EYS: variants seen among roughly 807,000 people sequenced by gnomAD.
EYS encodes the protein protein eyes shut homolog.
Under a neutral mutation model 282.1 loss-of-function variants are expected in EYS, and 250 were observed. The observed-to-expected ratio is 0.89, with a 90% confidence interval of 0.80 to 0.98. EYS has a LOEUF of 0.98. Among genes scored for constraint, EYS ranks in the 50% least tolerant of loss-of-function variants. The pLI, the probability that EYS is intolerant of heterozygous loss-of-function variation, is 0.00. For missense variants in EYS, 4,016 were observed against 3,709.0 expected (o/e 1.08, Z -2.15); for synonymous variants, 1,355 against 1,282.9 (o/e 1.06, Z -1.20).
intron 34 of EYS, among the ~76,000 whole-genome samples, 186 bp downstream of exon 34, chr6:63,998,889 C>T (rs1767954998): frequency 6.6e-6 from 1 of 151,064 alleles, no homozygotes; most frequent in African/African-American, 2.4e-5. Flanking sequence ...TTGATAGTGA[C>T]AGGCAACATT....
intron 26 of EYS, among the ~76,000 whole-genome samples, chr6:64,564,715 C>T (rs1019540625): frequency 1.3e-5 from 2 of 150,884 alleles, no homozygotes; most frequent in Non-Finnish European, 2.9e-5. Context: ...CATGTTCTCA[C>T]TCATAAGTGG....
At chr6:65,389,532 A>T (rs1229434082) in intron 7 of EYS, among the ~76,000 whole-genome samples, 1 of 152,096 alleles carries the variant, frequency 6.6e-6, no homozygotes, top group Non-Finnish European at 1.5e-5. Context: ...GTCAAGAGGG[A>T]GGCTATTGAA....
At chr6:63,808,310 G>A (rs1224554858) in intron 36 of EYS, among the ~76,000 whole-genome samples, 2 of 152,202 alleles carry the variant, frequency 1.3e-5, no homozygotes, top group African/African-American at 4.8e-5. Flanking sequence ...GAATGAAGAA[G>A]AAAAGTGAGA....
chr6:63,744,756 C>T (rs1293655874), intron 41 of EYS: 5 of 183,040 alleles, frequency 2.7e-5, no homozygotes, highest in South Asian at 9.1e-5. Context: ...TTAGTAGAGA[C>T]GGGGTTTCCC....
At chr6:64,270,546 A>C (rs1299495817) in intron 30 of EYS, among the ~76,000 whole-genome samples, 2 of 152,180 alleles carry the variant, frequency 1.3e-5, no homozygotes, top group African/African-American at 4.8e-5. Flanking sequence ...CTGATACTTA[A>C]TGAAAATGAA....
At position 65,468,585 on chromosome 6, in the gene EYS, A is replaced by C. The variant is rs1196763382; in HGVS notation, c.862+22009T>G. On this transcript the variant is annotated intron_variant, in intron 5 of 42. Coordinates refer to ENST00000503581, the MANE Select transcript of EYS (RefSeq NM_001142800.2). Reference sequence around the variant, plus strand: ...GGACCTGAATATAACCTCCTTTTTCATTATGACTCTTATGTATTCCAGCGT... The same window carrying C: ...GGACCTGAATATAACCTCCTTTTTCCTTATGACTCTTATGTATTCCAGCGT... 2.0e-5 allele frequency among the ~76,000 whole-genome samples: 3 copies of C among 151,888 alleles called. No homozygotes were observed. In the East Asian group the frequency reaches 5.8e-4, roughly 29 times the overall value.
chr6:63,749,793 A>G (rs944573819), intron 41 of EYS, among the ~76,000 whole-genome samples: 10 of 152,144 alleles, frequency 6.6e-5, no homozygotes, highest in African/African-American at 1.7e-4. Flanking sequence ...GGTGCATAGT[A>G]GCCCCCTCCA....
At chr6:64,495,987 A>G (rs920095287) in intron 26 of EYS, among the ~76,000 whole-genome samples, 2 of 151,876 alleles carry the variant, frequency 1.3e-5, no homozygotes, top group Non-Finnish European at 2.9e-5. Flanking sequence ...TCTTCTTAAC[A>G]TATTTTTCCT....
chr6:64,861,145 G>A (rs554272026), intron 19 of EYS, among the ~76,000 whole-genome samples: 1 of 152,320 alleles, frequency 6.6e-6, no homozygotes, highest in African/African-American at 2.4e-5. Context: ...TGTCCAGGCT[G>A]TTCATGCCCA....
At chr6:64,475,952 A>AT (rs1357801108) in intron 26 of EYS, among the ~76,000 whole-genome samples, 1 of 151,946 alleles carries the variant, frequency 6.6e-6, no homozygotes, top group East Asian at 1.9e-4. Context: ...ATGCTCAGTT[A>AT]TTTTTTTGAA....
At chr6:65,555,377 T>C (rs1460494304) in intron 2 of EYS, among the ~76,000 whole-genome samples, 1 of 152,144 alleles carries the variant, frequency 6.6e-6, no homozygotes, top group Non-Finnish European at 1.5e-5. Context: ...ATTTCTTCTC[T>C]TATCTTTTAC....
intron 12 of EYS, among the ~76,000 whole-genome samples, chr6:65,258,482 T>C (rs1459397396): frequency 2.0e-5 from 3 of 152,196 alleles, no homozygotes; most frequent in East Asian, 3.9e-4. Context: ...GGTAGTTTAA[T>C]CTCAAAAGAG....
chr6:64,965,701 C>CATTCA (rs1770072275), intron 14 of EYS, among the ~76,000 whole-genome samples: 1 of 151,962 alleles, frequency 6.6e-6, no homozygotes, highest in Admixed American at 6.6e-5. Context: ...GTATACTGAC[C>CATTCA]ATTCAATTGG....
At chr6:65,629,223 G>A (rs1283589865) in intron 2 of EYS, among the ~76,000 whole-genome samples, 1 of 152,112 alleles carries the variant, frequency 6.6e-6, no homozygotes, top group Non-Finnish European at 1.5e-5. Context: ...TAAAGGGAGA[G>A]TCATATCATT....
chr6:65,582,951 ACACT>A (rs1282546631), intron 2 of EYS, among the ~76,000 whole-genome samples: 3 of 152,250 alleles, frequency 2.0e-5, no homozygotes, highest in Admixed American at 2.0e-4. Flanking sequence ...ATAGTAGCTA[ACACT>A]CATGTTACTA....
At chr6:65,343,048 A>G (rs1037788310) in intron 10 of EYS, among the ~76,000 whole-genome samples, 2 of 151,204 alleles carry the variant, frequency 1.3e-5, no homozygotes, top group Non-Finnish European at 3.0e-5. Flanking sequence ...GGCAAAATAT[A>G]TATATATGTA....
chr6:65,353,498 A>G lies in EYS; in HGVS notation c.1419T>C (p.Gly473=). 1 of 1,613,284 alleles carries G rather than the reference A, an allele frequency of 6.2e-7. No individual in the cohort carries two copies. The highest frequency in any genetic ancestry group is 8.5e-7 in the Non-Finnish European group (1 of 1,179,512). ...VTFHGICQDK[G]PAQFEYVWQL... Reference sequence around the variant, plus strand: ...GCCACACATATTCAAATTGAGCAGGACCTTTATCTTGGCAAATACCATGGA... The same window carrying G: ...GCCACACATATTCAAATTGAGCAGGGCCTTTATCTTGGCAAATACCATGGA... Residue 473 remains glycine (G), a synonymous_variant, in exon 9 of 43, where the codon GGT becomes GGC. Coordinates refer to ENST00000503581, the MANE Select transcript of EYS (RefSeq NM_001142800.2).
chr6:64,584,517 C>G (rs1244134925), intron 26 of EYS, among the ~76,000 whole-genome samples: 1 of 151,766 alleles, frequency 6.6e-6, no homozygotes, highest in Non-Finnish European at 1.5e-5. Flanking sequence ...ACAACTTACT[C>G]TCCCACCAAT....
At chr6:65,456,824 G>A (rs1196353327) in intron 5 of EYS, among the ~76,000 whole-genome samples, 1 of 152,036 alleles carries the variant, frequency 6.6e-6, no homozygotes, top group African/African-American at 2.4e-5. Context: ...TATTAGGCAT[G>A]AGAAAGTAAT....
Sources: gnomAD v4.1 joint callset for allele counts (sites outside exome capture counted in the v4.1 genomes callset) on GRCh38, gnomAD v4.1.1 for gene constraint, MANE v1.5 for transcripts, NCBI Gene and HGNC (gene_info 2026-07-23, HGNC 2026-07-21) for gene names.